The following FOXP2 variants were observed in gnomAD, a reference collection of about 807,000 sequenced individuals.
FOXP2 encodes the protein forkhead box P2, also known as forkhead box protein P2.
Under a neutral mutation model 115.8 loss-of-function variants are expected in FOXP2, and 12 were observed. That is an observed-to-expected ratio of 0.10 (90% CI 0.07 to 0.17). The LOEUF (loss-of-function observed/expected upper bound fraction) is 0.17. Ranked by LOEUF, FOXP2 falls within the 10% of genes least tolerant of loss-of-function variation. The pLI, the probability that FOXP2 is intolerant of heterozygous loss-of-function variation, is 1.00. For missense variants in FOXP2, 629 were observed against 843.5 expected (o/e 0.75, Z 3.15); for synonymous variants, 328 against 297.7 (o/e 1.10, Z -1.05).
intron 1 of FOXP2, among the ~76,000 whole-genome samples, chr7:114,090,202 T>G (rs1388458220): frequency 1.3e-5 from 2 of 151,974 alleles, no homozygotes; most frequent in Non-Finnish European, 2.9e-5. Context: ...GAGAATGAGA[T>G]TGAGCACACA....
intron 2 of FOXP2, among the ~76,000 whole-genome samples, chr7:114,380,344 C>T (rs1365274033): frequency 6.6e-6 from 1 of 152,198 alleles, no homozygotes; most frequent in East Asian, 1.9e-4. Flanking sequence ...AATTCTAGTG[C>T]CCGAGTGAGG....
chr7:114,368,677 C>G (rs1203463237), intron 2 of FOXP2, among the ~76,000 whole-genome samples: 1 of 152,166 alleles, frequency 6.6e-6, no homozygotes, highest in Non-Finnish European at 1.5e-5. Context: ...ATTCCAGACA[C>G]ATACACAGTT....
intron 2 of FOXP2, among the ~76,000 whole-genome samples, chr7:114,290,556 T>A (rs1490360923): frequency 6.6e-6 from 1 of 152,120 alleles, no homozygotes; most frequent in African/African-American, 2.4e-5. Context: ...TTTGCTCTAT[T>A]TTTGAAATTA....
At chr7:114,644,052 T>C (rs1010880974) in intron 7 of FOXP2, among the ~76,000 whole-genome samples, 1 of 152,178 alleles carries the variant, frequency 6.6e-6, no homozygotes, top group African/African-American at 2.4e-5. Context: ...AATGCTTTCA[T>C]GCTGTTGTTT....
intron 2 of FOXP2, among the ~76,000 whole-genome samples, chr7:114,435,389 T>G (rs549573745): frequency 2.0e-5 from 3 of 152,154 alleles, no homozygotes; most frequent in Admixed American, 1.3e-4. Flanking sequence ...GACAGGAAGG[T>G]GTAAAAAGTG....
intron 3 of FOXP2, among the ~76,000 whole-genome samples, chr7:114,556,095 T>C (rs1474675367): frequency 6.6e-6 from 1 of 152,206 alleles, no homozygotes; most frequent in Non-Finnish European, 1.5e-5. Context: ...TACTGGAGTT[T>C]TCTTGGCATC....
chr7:114,340,476 C>A (rs949852861), intron 2 of FOXP2, among the ~76,000 whole-genome samples: 3 of 150,844 alleles, frequency 2.0e-5, no homozygotes, highest in African/African-American at 7.3e-5. Flanking sequence ...TAAATATTTG[C>A]CATATATTTT....
In FOXP2 at chr7:114,451,167, A is replaced by G. The variant is rs555490091; in HGVS notation, c.168+24488A>G. The stretch of plus-strand genomic sequence containing the variant: ...ACCTATTTTCCCAGCAGAACCTGGG[A>G]AGCATTTTAATGCTTGTTCTTTCAA... On this transcript the variant is annotated intron_variant, in intron 2 of 16. Transcript: ENST00000350908. 2.0e-5 allele frequency among the ~76,000 whole-genome samples: 3 copies of G among 152,220 alleles called. No homozygotes were observed. In the East Asian group the frequency reaches 5.8e-4, roughly 29 times the overall value.
intron 2 of FOXP2, among the ~76,000 whole-genome samples, chr7:114,533,062 C>T (rs138154994): frequency 2.0e-5 from 3 of 151,984 alleles, no homozygotes; most frequent in Admixed American, 6.6e-5. Context: ...TGGAATGTGC[C>T]ATCCTTAGAA....
intron 1 of FOXP2, among the ~76,000 whole-genome samples, chr7:114,169,561 G>C (rs185394985): frequency 1.4e-4 from 22 of 152,256 alleles, no homozygotes; most frequent in Non-Finnish European, 3.2e-4. Context: ...CAGGTTCATG[G>C]GGGGAAGGGA....
intron 2 of FOXP2, among the ~76,000 whole-genome samples, chr7:114,349,473 T>A (rs763635369): frequency 3.9e-5 from 6 of 152,296 alleles, no homozygotes; most frequent in Non-Finnish European, 8.8e-5. Flanking sequence ...ATTCCTATGC[T>A]ATCTTCCCAT....
chr7:114,175,266 G>A (rs1234080665), intron 1 of FOXP2, among the ~76,000 whole-genome samples: 1 of 152,110 alleles, frequency 6.6e-6, no homozygotes, highest in Non-Finnish European at 1.5e-5. Context: ...CCACTTATGT[G>A]TTAAGGATGC....
chr7:114,467,501 A>G (rs1271267652), intron 2 of FOXP2, among the ~76,000 whole-genome samples: 2 of 152,150 alleles, frequency 1.3e-5, no homozygotes, highest in Admixed American at 6.6e-5. Context: ...TGAGCCAAAC[A>G]AAGTCCAACT....
At chr7:114,630,274 T>G (rs1458247867) in intron 5 of FOXP2, among the ~76,000 whole-genome samples, 2 of 152,090 alleles carry the variant, frequency 1.3e-5, no homozygotes, top group African/African-American at 4.8e-5. Context: ...GTGGACAAAG[T>G]ACTGATTATC....
intron 1 of FOXP2, among the ~76,000 whole-genome samples, chr7:114,192,317 T>C (rs1793782906): frequency 6.6e-6 from 1 of 152,154 alleles, no homozygotes; most frequent in Non-Finnish European, 1.5e-5. Context: ...GATAGATCAC[T>C]TCTTTTTATT....
chr7:114,120,923 C>G (rs539426565), intron 1 of FOXP2, among the ~76,000 whole-genome samples: 2 of 151,868 alleles, frequency 1.3e-5, no homozygotes, highest in Non-Finnish European at 2.9e-5. Context: ...AAATTTGATG[C>G]AATTTGATGG....
At chr7:114,571,982 A>G (rs1304689909) in intron 3 of FOXP2, among the ~76,000 whole-genome samples, 1 of 151,754 alleles carries the variant, frequency 6.6e-6, no homozygotes, top group Non-Finnish European at 1.5e-5. Context: ...TACTCTATAC[A>G]TAATATTTCC....
rs377252623 is a variant in FOXP2 at position 114,420,668 on chromosome 7, TA to T, written c.-11+5311del. ...CAAAAAATATTACATTTTGGCATTA[TA>T]AATTAATGAAAACTCAATTTGTCAG... On this transcript the variant is annotated intron_variant, in intron 1 of 16. Coordinates refer to ENST00000350908, the MANE Select transcript of FOXP2 (RefSeq NM_014491.4). 4.6e-3 allele frequency among the ~76,000 whole-genome samples: 695 copies of T among 151,958 alleles called. 3 individuals carry two copies. Among genetic ancestry groups the T allele is most frequent in the South Asian group, 0.018 (86 of 4,822 alleles).
chr7:114,181,180 G>T (rs1372209996), intron 1 of FOXP2, among the ~76,000 whole-genome samples: 1 of 151,496 alleles, frequency 6.6e-6, no homozygotes, highest in African/African-American at 2.4e-5. Context: ...TTTTCTGTAG[G>T]ACTGGGTAAT....
Sources: gnomAD v4.1 joint callset for allele counts (sites outside exome capture counted in the v4.1 genomes callset) on GRCh38, gnomAD v4.1.1 for gene constraint, MANE v1.5 for transcripts, NCBI Gene and HGNC (gene_info 2026-07-23, HGNC 2026-07-21) for gene names.